The following SATL1 variants were observed in gnomAD, a reference collection of about 807,000 sequenced individuals.
SATL1 encodes the protein spermidine/spermine N1-acetyl transferase like 1, also known as spermidine/spermine N(1)-acetyltransferase-like protein 1.
SATL1 carries 47 observed loss-of-function variants against 51.8 expected under a neutral mutation model. That is an observed-to-expected ratio of 0.91 (90% confidence interval 0.72 to 1.16). The LOEUF is 1.16. Ranked by LOEUF, SATL1 falls within the 50% of genes most tolerant of loss-of-function variation. SATL1 has a pLI of 0.00. For missense variants in SATL1, 520 were observed against 526.4 expected (o/e 0.99, Z 0.12); for synonymous variants, 176 against 182.4 (o/e 0.97, Z 0.28).
At chrX:85,243,003 G>C (rs1465770559) in intron 1 of SATL1, among the ~76,000 whole-genome samples, 1 of 111,912 alleles carries the variant, frequency 8.9e-6, no homozygotes, top group African/African-American at 3.3e-5. Flanking sequence ...CATAGGGAAA[G>C]TTTGCCGACT....
chrX:85,103,395 G>T (rs1385845329), intron 4 of SATL1, among the ~76,000 whole-genome samples: 2 of 111,864 alleles, frequency 1.8e-5, no homozygotes, highest in Non-Finnish European at 3.8e-5. Flanking sequence ...TTTGCCATTT[G>T]TAATTTTATA....
chrX:85,155,485 A>G (rs770229043), intron 2 of SATL1, among the ~76,000 whole-genome samples: 4 of 112,016 alleles, frequency 3.6e-5, no homozygotes, highest in Non-Finnish European at 5.6e-5. Flanking sequence ...ATAATTAATG[A>G]AAAATTGTAT....
intron 2 of SATL1, among the ~76,000 whole-genome samples, chrX:85,159,861 C>A (rs780677195): frequency 1.3e-4 from 14 of 111,081 alleles, no homozygotes; most frequent in Non-Finnish European, 2.3e-4. Context: ...GCTGCTGCTG[C>A]TGGGACATGT....
At chrX:85,177,032 A>G (rs190998898) in intron 2 of SATL1, among the ~76,000 whole-genome samples, 147 of 111,371 alleles carry the variant, frequency 1.3e-3, no homozygotes, top group African/African-American at 4.5e-3. Flanking sequence ...AGAAAGCATC[A>G]AACTCATTGA....
intron 2 of SATL1, among the ~76,000 whole-genome samples, chrX:85,128,876 T>G (rs996064418): frequency 6.2e-5 from 7 of 112,155 alleles, no homozygotes; most frequent in Non-Finnish European, 1.3e-4. Context: ...ACTAGCCAGT[T>G]TTCCCAGCAC....
chrX:85,159,111 C>T (rs1416430962), intron 2 of SATL1, among the ~76,000 whole-genome samples: 2 of 111,609 alleles, frequency 1.8e-5, no homozygotes, highest in Non-Finnish European at 1.9e-5. Flanking sequence ...TGATAATCTC[C>T]AGCCCTTCAC....
chrX:85,128,226 T>G (rs894776107), intron 2 of SATL1, among the ~76,000 whole-genome samples: 2 of 111,680 alleles, frequency 1.8e-5, no homozygotes, highest in African/African-American at 6.5e-5. Flanking sequence ...CGCCACACTG[T>G]CTCCCACAAT....
intron 2 of SATL1, among the ~76,000 whole-genome samples, chrX:85,124,920 T>A (rs1006724133): frequency 1.8e-5 from 2 of 110,103 alleles, no homozygotes; most frequent in African/African-American, 6.6e-5. Context: ...CTAAAGGATG[T>A]CTACTCTGGG....
intron 2 of SATL1, among the ~76,000 whole-genome samples, chrX:85,134,980 A>G (rs1925913612): frequency 8.9e-6 from 1 of 112,204 alleles, no homozygotes; most frequent in African/African-American, 3.2e-5. Context: ...TAACCCATGG[A>G]ATACTATGCA....
intron 2 of SATL1, among the ~76,000 whole-genome samples, chrX:85,218,509 T>A (rs939029994): frequency 9.0e-6 from 1 of 111,666 alleles, no homozygotes; most frequent in African/African-American, 3.2e-5. Context: ...ATAAAACAAT[T>A]CTATGCCGAG....
chrX:85,119,880 A>G (rs956318555), intron 2 of SATL1, among the ~76,000 whole-genome samples: 1 of 111,878 alleles, frequency 8.9e-6, no homozygotes, highest in African/African-American at 3.2e-5. Flanking sequence ...TATTTTAATA[A>G]CCAAGAATAA....
At position 85,108,926 on chromosome X, in the gene SATL1, T is replaced by C; in HGVS notation, c.43A>G (p.Asn15Asp). 8.3e-7 allele frequency: 1 copy of C among 1,209,269 alleles called. No homozygotes were observed. The highest frequency in any genetic ancestry group is 1.8e-5 in the South Asian group (1 of 56,528). Reference sequence around the variant, plus strand: ...CTTGGCTGGTTTATGCCTGCTTGGTTCGAGTCTGATAAACTTGATTGGTTC... The same window carrying C: ...CTTGGCTGGTTTATGCCTGCTTGGTCCGAGTCTGATAAACTTGATTGGTTC... ...GTNQSSLSDSNQAGINQPSTN... is the reference protein window; with the variant it reads ...GTNQSSLSDSDQAGINQPSTN... The change falls in exon 3 of 8, where the codon AAC (asparagine) becomes GAC (aspartate). Residue 15 changes from asparagine (N) to aspartate (D), a missense_variant. Asn to Asp is a conservative substitution (Grantham distance 23). Transcript: ENST00000644105.
rs1456908885 is a variant in SATL1 at position 85,104,426 on chromosome X, A to G, written c.1642-511T>C. ...ATCTCAAGCTTGAAAAGCAAAAAATATTCACTCGTTTTCTTTTTAAGATCA... is the reference window on the plus strand; with the variant it reads ...ATCTCAAGCTTGAAAAGCAAAAAATGTTCACTCGTTTTCTTTTTAAGATCA... On this transcript the variant is annotated intron_variant, in intron 3 of 7. Coordinates refer to ENST00000644105, the MANE Select transcript of SATL1 (RefSeq NM_001367857.2). 2.7e-5 allele frequency among the ~76,000 whole-genome samples: 3 copies of G among 111,452 alleles called. No homozygotes were observed. In the East Asian group the frequency reaches 8.4e-4, roughly 31 times the overall value.
chrX:85,163,015 T>TA (rs755911358), intron 2 of SATL1, among the ~76,000 whole-genome samples: 3 of 109,322 alleles, frequency 2.7e-5, no homozygotes, highest in African/African-American at 6.7e-5. Context: ...TTTTTTTTTT[T>TA]ATGTCCTTTC....
chrX:85,118,219 A>G (rs1925429124), intron 2 of SATL1: 1 of 107,924 alleles, frequency 9.3e-6, no homozygotes, highest in African/African-American at 3.3e-5. Flanking sequence ...CTAGGGCACA[A>G]AACAGCCAGT....
intron 4 of SATL1, among the ~76,000 whole-genome samples, chrX:85,103,355 C>G (rs1416792974): frequency 2.7e-5 from 3 of 111,643 alleles, no homozygotes; most frequent in African/African-American, 9.7e-5. Flanking sequence ...ATCAATTCTT[C>G]TAGATTTTGA....
At chrX:85,218,214 G>A (rs1351901334) in intron 2 of SATL1, among the ~76,000 whole-genome samples, 2 of 109,865 alleles carry the variant, frequency 1.8e-5, no homozygotes, top group Non-Finnish European at 3.8e-5. Flanking sequence ...CCAAATCGCT[G>A]TAACACACAG....
At chrX:85,147,195 C>G (rs183177197) in intron 2 of SATL1, among the ~76,000 whole-genome samples, 1 of 114,623 alleles carries the variant, frequency 8.7e-6, no homozygotes, top group Non-Finnish European at 1.9e-5. Context: ...GAGGGTCCTA[C>G]GCCCACGGAG....
intron 2 of SATL1, chrX:85,153,971 G>T (rs1012823257): frequency 8.9e-6 from 1 of 111,969 alleles, no homozygotes; most frequent in Non-Finnish European, 1.9e-5. Flanking sequence ...ATCAGCAAAT[G>T]AATCCAGAAA....
Sources: gnomAD v4.1 joint callset for allele counts (sites outside exome capture counted in the v4.1 genomes callset) on GRCh38, gnomAD v4.1.1 for gene constraint, MANE v1.5 for transcripts, NCBI Gene and HGNC (gene_info 2026-07-23, HGNC 2026-07-21) for gene names.